Variants in FURIN observed in about 807,000 individuals in gnomAD.
The protein encoded by FURIN is furin, paired basic amino acid cleaving enzyme.
Under a neutral mutation model 89.2 loss-of-function variants are expected in FURIN, and 18 were observed. That is an observed-to-expected ratio of 0.20 (90% CI 0.14 to 0.30). The LOEUF is 0.30. Ranked by LOEUF, FURIN falls within the 10% of genes least tolerant of loss-of-function variation. FURIN has a pLI of 1.00. For synonymous variants in FURIN, 508 were observed against 466.4 expected (o/e 1.09, Z -1.15); for missense variants, 879 against 1,100.5 (o/e 0.80, Z 2.85).
At position 90,879,539 on chromosome 15, in the gene FURIN, G is replaced by A. The variant is rs775717376; in HGVS notation, c.1149G>A (p.Glu383=). The change falls in exon 10 of 16, where the codon GAG becomes GAA. Residue 383 remains glutamate, a synonymous_variant. Transcript: ENST00000268171. ...CCGGCATCATTGCTCTCACCCTGGAGGCCAAGTAAGTGGGTGGGGGCCAGC... is the reference window on the plus strand; with the variant it reads ...CCGGCATCATTGCTCTCACCCTGGAAGCCAAGTAAGTGGGTGGGGGCCAGC... The part of the protein sequence containing the change: ...LAAGIIALTL[E]ANKNLTWRDM... 2 of 1,609,794 alleles carry A rather than the reference G, an allele frequency of 1.2e-6. No individual in the cohort carries two copies. Among genetic ancestry groups the A allele is most frequent in the South Asian group, 2.2e-5 (2 of 90,992 alleles).
Position 90,883,093 on chromosome 15 carries a change from G to GC in FURIN, c.*1222dup, listed in dbSNP as rs1027545017. 9.2e-5 allele frequency: 14 copies of GC among 152,730 alleles called. No homozygotes were observed. Among genetic ancestry groups the GC allele is most frequent in the South Asian group, 8.3e-4 (4 of 4,824 alleles). The allele number at this position is 152,730 out of a possible 1,614,324, so 9.5% of individuals were successfully genotyped here. ...AGAGGTGGGCAGGTGGTGGCACTGAGCCCCCCCAACACTGTGCCCTGGTGG... is the reference window on the plus strand; with the variant it reads ...AGAGGTGGGCAGGTGGTGGCACTGAGCCCCCCCCAACACTGTGCCCTGGTGG... On this transcript the variant is annotated 3_prime_UTR_variant, in exon 16 of 16. Coordinates refer to ENST00000268171, the MANE Select transcript of FURIN (RefSeq NM_002569.4).
intron 1 of FURIN, among the ~76,000 whole-genome samples, 186 bp from the exon 2 acceptor site, chr15:90,875,396 C>G (rs1001715458): frequency 6.6e-6 from 1 of 152,106 alleles, no homozygotes; most frequent in African/African-American, 2.4e-5. Context: ...TGAGGGCATC[C>G]ATCTGTCCAT....
At chr15:90,880,039 G>C in intron 12 of FURIN, 55 bp downstream of exon 12, 1 of 1,603,394 alleles carries the variant, frequency 6.2e-7, no homozygotes, top group Non-Finnish European at 8.5e-7. Flanking sequence ...AGTCGCAGGG[G>C]GTGCCCGCTG....
chr15:90,882,956 G>C lies in FURIN; in HGVS notation c.*1078G>C, dbSNP rs966150204. ...CCCCAAGTCCTGAAGAGGCGGGCCAGCCAGGCGGGCTCAAGGAAAGGGGGT... is the reference window on the plus strand; with the variant it reads ...CCCCAAGTCCTGAAGAGGCGGGCCACCCAGGCGGGCTCAAGGAAAGGGGGT... On this transcript the variant is annotated 3_prime_UTR_variant, in exon 16 of 16. Transcript: ENST00000268171. The C allele has an allele frequency of 6.6e-6, 1 of 152,472 alleles. No individual in the cohort carries two copies. Among genetic ancestry groups the C allele is most frequent in the Non-Finnish European group, 1.5e-5 (1 of 68,110 alleles). The allele number at this position is 152,472 out of a possible 1,614,324, so 9.4% of individuals were successfully genotyped here. A position where few individuals can be genotyped will look rare whatever the true frequency, so the allele number is the denominator to read the frequency against.
chr15:90,879,359 C>T (rs1446396311), intron 9 of FURIN, 85 bp from the exon 10 acceptor site: 1 of 987,012 alleles, frequency 1.0e-6, no homozygotes, highest in African/African-American at 1.6e-5. Flanking sequence ...GTGCCCAGGG[C>T]CTGTATGCAG....
intron 1 of FURIN, among the ~76,000 whole-genome samples, chr15:90,870,228 T>A (rs543223687): frequency 6.6e-6 from 1 of 152,184 alleles, no homozygotes; most frequent in South Asian, 2.1e-4. Context: ...CAGCAAAAAA[T>A]AGTGCCCCAG....
In FURIN at chr15:90,876,676, G is replaced by T. The variant is rs371766787; in HGVS notation, c.372+119G>T. The T allele has an allele frequency of 6.0e-6, 5 of 836,928 alleles. No homozygotes were observed. Among genetic ancestry groups the T allele is most frequent in the East Asian group, 2.6e-5 (1 of 37,808 alleles). The allele number at this position is 836,928 out of a possible 1,614,324, so 51.8% of individuals were successfully genotyped here. A position where few individuals can be genotyped will look rare whatever the true frequency, so the allele number is the denominator to read the frequency against. On this transcript the variant is annotated intron_variant, in intron 4 of 15. Coordinates refer to ENST00000268171, the MANE Select transcript of FURIN (RefSeq NM_002569.4). This position sits in a 1 kb window ranked among gnomAD's most constrained non-coding sequence, Gnocchi z 5.0. ...CCTCTGATTCGTTTCCTTTCCTCCT[G>T]CTGGGCAGTCTCTCCTTGGCCCATC...
chr15:90,879,582 C>T, intron 10 of FURIN, 38 bp downstream of exon 10: 1 of 1,550,018 alleles, frequency 6.5e-7, no homozygotes, highest in Non-Finnish European at 8.9e-7. Context: ...CTGTCCCTAC[C>T]AGCACTCTCT....
intron 1 of FURIN, among the ~76,000 whole-genome samples, chr15:90,871,130 C>G (rs1007790947): frequency 6.6e-6 from 1 of 152,160 alleles, no homozygotes; most frequent in Non-Finnish European, 1.5e-5. Context: ...CCAGGTCCGC[C>G]GTCCCTGGGC....
Position 90,875,799 on chromosome 15 carries a change from TAGC to T in FURIN, c.63_65del (p.Ala22del). On this transcript the variant is annotated inframe_deletion, in exon 2 of 16. Coordinates refer to ENST00000268171, the MANE Select transcript of FURIN (RefSeq NM_002569.4). ...GCAGCAACAGGAACCTTGGTCCTGC[TAGC>T]AGCTGATGCTCAGGGCCAGAAGGTC... The T allele has an allele frequency of 6.4e-7, 1 of 1,560,548 alleles. No individual in the cohort carries two copies. The highest frequency in any genetic ancestry group is 8.7e-7 in the Non-Finnish European group (1 of 1,151,380).
Position 90,881,332 on chromosome 15 carries a change from C to G in FURIN, c.1839C>G (p.His613Gln). The change falls in exon 16 of 16, where the codon CAC becomes CAG. Residue 613 changes from histidine to glutamine, a missense_variant. Transcript: ENST00000268171. This position sits in a 1 kb window ranked among gnomAD's most constrained non-coding sequence, Gnocchi z 4.3. The part of the protein sequence containing the change: ...FSLHQKSCVQ[H>Q]CPPGFAPQVL... ...TGCACCAGAAGAGCTGTGTCCAGCA[C>G]TGCCCTCCAGGGTTCGCCCCCCAAG... is the stretch of plus-strand genomic sequence containing the variant. 1 of 1,612,704 alleles carries G rather than the reference C, an allele frequency of 6.2e-7. No individual in the cohort carries two copies. Among genetic ancestry groups the G allele is most frequent in the Non-Finnish European group, 8.5e-7 (1 of 1,179,570 alleles).
chr15:90,877,497 C>T (rs927090840), intron 6 of FURIN, 30 bp from the exon 7 acceptor site: 4 of 1,532,742 alleles, frequency 2.6e-6, no homozygotes, highest in Non-Finnish European at 3.5e-6. Flanking sequence ...CCCATTTGTT[C>T]TACTCATGCT....
At chr15:90,874,340 G>A (rs1038593114) in intron 1 of FURIN, among the ~76,000 whole-genome samples, 2 of 152,268 alleles carry the variant, frequency 1.3e-5, no homozygotes, top group African/African-American at 2.4e-5. Flanking sequence ...GCCTGGGCTC[G>A]GATTACGCAA....
Position 90,882,215 on chromosome 15 carries a change from G to A in FURIN, c.*337G>A, listed in dbSNP as rs960921896. 1.9e-5 allele frequency: 6 copies of A among 320,072 alleles called. No homozygotes were observed. The highest frequency in any genetic ancestry group is 8.7e-5 in the East Asian group (1 of 11,446). 19.8% of individuals were successfully genotyped at this position (320,072 alleles called of 1,614,324 possible). ...CTTGTTGGGATTCCTGACCCAGGCC[G>A]CAGCTCTTGCCCTTCCCTGTCCCTC... On this transcript the variant is annotated 3_prime_UTR_variant, in exon 16 of 16. Coordinates refer to ENST00000268171, the MANE Select transcript of FURIN (RefSeq NM_002569.4).
At chr15:90,874,225 A>G (rs1465501017) in intron 1 of FURIN, among the ~76,000 whole-genome samples, 1 of 152,194 alleles carries the variant, frequency 6.6e-6, no homozygotes, top group Non-Finnish European at 1.5e-5. Context: ...CCGGGCAGAG[A>G]GAGGTCCCGC....
chr15:90,877,400 A>G, intron 6 of FURIN, 127 bp from the exon 7 acceptor site: 1 of 901,780 alleles, frequency 1.1e-6, no homozygotes, highest in Non-Finnish European at 1.7e-6. Context: ...AGTGTGGGAG[A>G]TGGGGGCTGG....
Position 90,880,353 on chromosome 15 carries a change from G to T in FURIN, c.1556+80G>T, listed in dbSNP as rs891994044. On this transcript the variant is annotated intron_variant, in intron 13 of 15. Coordinates refer to ENST00000268171, the MANE Select transcript of FURIN (RefSeq NM_002569.4). ...CGTGCTTGCCTTTGCTCGCTCACACGGCCCAGGGGGCACTGAGTGCTACTC... is the reference window on the plus strand; with the variant it reads ...CGTGCTTGCCTTTGCTCGCTCACACTGCCCAGGGGGCACTGAGTGCTACTC... 3.4e-6 allele frequency: 4 copies of T among 1,177,796 alleles called. No individual in the cohort carries two copies. The South Asian group carries it at 4.4e-5, about 13-fold the overall frequency. The allele number at this position is 1,177,796 out of a possible 1,614,324, so 73.0% of individuals were successfully genotyped here.
At chr15:90,872,152 G>A (rs900295654) in intron 1 of FURIN, among the ~76,000 whole-genome samples, 2 of 151,380 alleles carry the variant, frequency 1.3e-5, no homozygotes, top group African/African-American at 2.4e-5. Context: ...CCTTCGCTTG[G>A]GCCTCGCCCC....
Position 90,882,469 on chromosome 15 carries a change from G to C in FURIN, c.*591G>C, listed in dbSNP as rs1041311468. 3 of 153,952 alleles carry C rather than the reference G, an allele frequency of 1.9e-5. No individual in the cohort carries two copies. Among genetic ancestry groups the C allele is most frequent in the African/African-American group, 7.2e-5 (3 of 41,480 alleles). 9.5% of individuals were successfully genotyped at this position (153,952 alleles called of 1,614,324 possible). On this transcript the variant is annotated 3_prime_UTR_variant, in exon 16 of 16. Coordinates refer to ENST00000268171, the MANE Select transcript of FURIN (RefSeq NM_002569.4). Reference sequence around the variant, plus strand: ...GTCCCATGACCCACCCCTGTGCTCCGTGCCTCCACCACCACTGGCCACCAG... The same window carrying C: ...GTCCCATGACCCACCCCTGTGCTCCCTGCCTCCACCACCACTGGCCACCAG...
Sources: allele counts gnomAD v4.1 joint callset (sites outside exome capture counted in the v4.1 genomes callset), GRCh38; gene constraint gnomAD v4.1.1; non-coding constraint Gnocchi (gnomAD v3.1); transcripts MANE v1.5; gene names NCBI Gene and HGNC (gene_info 2026-07-23, HGNC 2026-07-21).